Variants in HFM1 observed in about 807,000 individuals in gnomAD.
HFM1 encodes the protein helicase for meiosis 1, also known as probable ATP-dependent DNA helicase HFM1.
HFM1 carries 169 observed loss-of-function variants against 192.1 expected under a neutral mutation model. The observed-to-expected ratio is 0.88, with a 90% CI of 0.78 to 1.00. HFM1 has a LOEUF of 1.00. Ranked by LOEUF, HFM1 falls within the 50% of genes least tolerant of loss-of-function variation. The pLI is 0.00. For missense variants in HFM1, 1,661 were observed against 1,668.0 expected (o/e 1.00, Z 0.07); for synonymous variants, 525 against 537.8 (o/e 0.98, Z 0.33).
intron 16 of HFM1, among the ~76,000 whole-genome samples, 182 bp from the exon 17 acceptor site, chr1:91,351,825 G>A (rs1431145649): frequency 6.6e-6 from 1 of 151,808 alleles, no homozygotes; most frequent in Non-Finnish European, 1.5e-5. Context: ...CCTTCCAAGA[G>A]TATAGCTGTA....
At chr1:91,265,642 T>G (rs1665694524) in intron 36 of HFM1, among the ~76,000 whole-genome samples, 1 of 152,218 alleles carries the variant, frequency 6.6e-6, no homozygotes. Context: ...GGATACCTTT[T>G]CAAGCCTTAT....
chr1:91,276,055 T>C (rs1309008122), intron 32 of HFM1, among the ~76,000 whole-genome samples: 1 of 152,192 alleles, frequency 6.6e-6, no homozygotes, highest in Non-Finnish European at 1.5e-5. Context: ...AAAGAGTTTC[T>C]TTAAAGATCC....
At chr1:91,300,304 C>G (rs1320526353) in intron 30 of HFM1, among the ~76,000 whole-genome samples, 1 of 152,044 alleles carries the variant, frequency 6.6e-6, no homozygotes, top group African/African-American at 2.4e-5. Flanking sequence ...AGCTTACCAA[C>G]CAAAAAAAGT....
intron 6 of HFM1, among the ~76,000 whole-genome samples, chr1:91,384,880 A>T (rs1238392557): frequency 1.3e-5 from 2 of 151,794 alleles, no homozygotes; most frequent in African/African-American, 4.8e-5. Flanking sequence ...AGTAGCTGGG[A>T]TTACAGGTGC....
chr1:91,379,527 A>G (rs1032938278), intron 8 of HFM1, among the ~76,000 whole-genome samples: 4 of 152,112 alleles, frequency 2.6e-5, no homozygotes, highest in South Asian at 2.1e-4. Context: ...TAAGTTTACA[A>G]ATTTGTGCTG....
chr1:91,309,018 T>C (rs1366935599), intron 30 of HFM1, among the ~76,000 whole-genome samples: 1 of 152,210 alleles, frequency 6.6e-6, no homozygotes, highest in East Asian at 1.9e-4. Context: ...GTGGAAGCAC[T>C]GGCCTACCAC....
rs1017777940 is a variant in HFM1 at position 91,267,799 on chromosome 1, C to T, written c.3829G>A (p.Glu1277Lys). 1.9e-6 allele frequency: 3 copies of T among 1,581,130 alleles called. No individual in the cohort carries two copies. In the African/African-American group the frequency reaches 4.1e-5, roughly 22 times the overall value. ...GAAAAGCTAGTAACTTCTAAGTTTT[C>T]ATCATCAAAATCATCCCAAACTTCA... Reference protein sequence around the residue: ...GNEVWDDFDDENLEVTSFSTD... With the variant: ...GNEVWDDFDDKNLEVTSFSTD... Residue 1277 changes from glutamate (E) to lysine (K), a missense_variant, in exon 35 of 39, where the codon GAA becomes AAA. By Grantham distance (56) the Glu-to-Lys change is moderately conservative. Coordinates refer to ENST00000370425, the MANE Select transcript of HFM1 (RefSeq NM_001017975.6).
At chr1:91,382,122 G>C (rs1053195830) in intron 6 of HFM1, among the ~76,000 whole-genome samples, 2 of 151,976 alleles carry the variant, frequency 1.3e-5, no homozygotes, top group Non-Finnish European at 2.9e-5. Flanking sequence ...CTGCCATGAG[G>C]CCTTCCCTCT....
chr1:91,317,730 AT>A (rs1266657118), intron 25 of HFM1, among the ~76,000 whole-genome samples: 18 of 152,010 alleles, frequency 1.2e-4, no homozygotes, highest in African/African-American at 4.3e-4. Flanking sequence ...CTTAATGTTC[AT>A]TTCCATTTCC....
intron 30 of HFM1, among the ~76,000 whole-genome samples, chr1:91,302,260 G>A (rs1286043385): frequency 9.9e-5 from 15 of 151,626 alleles, no homozygotes; most frequent in African/African-American, 2.2e-4. Flanking sequence ...TTAGAATGGT[G>A]ATCATTAAAA....
chr1:91,288,756 G>A (rs907829353), intron 30 of HFM1, among the ~76,000 whole-genome samples: 26 of 152,272 alleles, frequency 1.7e-4, no homozygotes, highest in African/African-American at 6.0e-4. Context: ...GAATAAAATG[G>A]AGTCTCCTAT....
intron 30 of HFM1, among the ~76,000 whole-genome samples, chr1:91,307,658 TG>T (rs1216221039): frequency 2.0e-5 from 3 of 152,060 alleles, no homozygotes; most frequent in Non-Finnish European, 4.4e-5. Context: ...TTCACCACAT[TG>T]CCTAGGCTGG....
chr1:91,342,246 G>A (rs11165744), intron 20 of HFM1, among the ~76,000 whole-genome samples: 30,015 of 151,174 alleles, frequency 0.2, 3,404 homozygotes, highest in Non-Finnish European at 0.26. Flanking sequence ...CTAATCCACC[G>A]TGAGAGAGAG....
chr1:91,336,818 C>T (rs1489965397), intron 20 of HFM1, among the ~76,000 whole-genome samples: 1 of 152,162 alleles, frequency 6.6e-6, no homozygotes, highest in Admixed American at 6.5e-5. Context: ...ATATCAAAGA[C>T]ATGGAATCAA....
intron 30 of HFM1, among the ~76,000 whole-genome samples, chr1:91,301,148 A>G (rs1038429097): frequency 2.6e-5 from 4 of 151,994 alleles, no homozygotes; most frequent in Admixed American, 2.6e-4. Flanking sequence ...ATAACAGACA[A>G]ACAGAGCCAA....
intron 30 of HFM1, among the ~76,000 whole-genome samples, chr1:91,298,345 C>T (rs1014597393): frequency 5.3e-5 from 8 of 152,146 alleles, no homozygotes; most frequent in African/African-American, 1.9e-4. Context: ...GAGAATGGAA[C>T]CAAGTTGGAA....
chr1:91,342,786 A>G (rs1655539114), intron 20 of HFM1, among the ~76,000 whole-genome samples: 1 of 152,220 alleles, frequency 6.6e-6, no homozygotes, highest in Non-Finnish European at 1.5e-5. Context: ...CAGATTATCA[A>G]TGGTTGAATA....
chr1:91,318,717 C>T lies in HFM1; in HGVS notation c.2812+361G>A, dbSNP rs1463286129. On this transcript the variant is annotated intron_variant, in intron 25 of 38. Transcript: ENST00000370425. ...AATTAGGAATGGCTGGGACTGCTAACTCCACCTTGTAATTGAGATCAAAAC... is the reference window on the plus strand; with the variant it reads ...AATTAGGAATGGCTGGGACTGCTAATTCCACCTTGTAATTGAGATCAAAAC... Among the ~76,000 whole-genome samples, 3 of 152,162 alleles carry T rather than the reference C, an allele frequency of 2.0e-5. No individual in the cohort carries two copies. In the East Asian group the frequency reaches 5.8e-4, roughly 29 times the overall value.
chr1:91,290,794 C>G (rs902802840), intron 30 of HFM1, among the ~76,000 whole-genome samples: 26 of 151,844 alleles, frequency 1.7e-4, no homozygotes, highest in Admixed American at 9.2e-4. Flanking sequence ...TGACCACATA[C>G]TTGGAAGTAA....
Sources: allele counts gnomAD v4.1 joint callset (sites outside exome capture counted in the v4.1 genomes callset), GRCh38; gene constraint gnomAD v4.1.1; transcripts MANE v1.5; gene names NCBI Gene and HGNC (gene_info 2026-07-23, HGNC 2026-07-21).